The following STK35 variants were observed in gnomAD, a reference collection of about 807,000 sequenced individuals.
STK35 encodes the protein serine/threonine-protein kinase 35.
A neutral mutation model predicts 37.3 loss-of-function variants in STK35; 17 were observed. The observed-to-expected ratio is 0.46, with a 90% CI of 0.31 to 0.68. The LOEUF (loss-of-function observed/expected upper bound fraction) is 0.68, where lower values mean the gene tolerates loss of function less well. STK35 is among the 30% of genes least tolerant of loss of function. The pLI is 0.05. For missense variants in STK35, 595 were observed against 746.7 expected, an observed-to-expected ratio of 0.80 and a Z score of 2.37; for synonymous variants, 385 against 319.1, an observed-to-expected ratio of 1.21 and a Z score of -2.20.
At chr20:2,102,697 G>A (rs1568572085) in intron 1 of STK35, 71 bp from the exon 2 acceptor site, 9 of 1,284,926 alleles carry the variant, frequency 7.0e-6, no homozygotes, top group Non-Finnish European at 7.0e-6. Flanking sequence ...GAGGAGGTGG[G>A]ACGCCCCGCG....
At chr20:2,107,393 T>A (rs986345346) in intron 2 of STK35, among the ~76,000 whole-genome samples, 16 of 152,236 alleles carry the variant, frequency 1.1e-4, no homozygotes, top group African/African-American at 3.9e-4. Flanking sequence ...ACCAATTGTT[T>A]GATGTCGATG....
chr20:2,140,484 G>T (rs1448633832), intron 3 of STK35, among the ~76,000 whole-genome samples: 1 of 152,224 alleles, frequency 6.6e-6, no homozygotes. Flanking sequence ...CCTGTTCATA[G>T]CTACAGAAAG....
At chr20:2,119,006 G>A (rs1438635157) in intron 3 of STK35, among the ~76,000 whole-genome samples, 2 of 152,180 alleles carry the variant, frequency 1.3e-5, no homozygotes, top group Admixed American at 6.5e-5. Flanking sequence ...ATTGTTAAGC[G>A]ACCCATAACT....
intron 2 of STK35, among the ~76,000 whole-genome samples, chr20:2,108,363 A>G (rs987965337): frequency 6.6e-6 from 1 of 152,102 alleles, no homozygotes; most frequent in Non-Finnish European, 1.5e-5. Flanking sequence ...ACAAAAAATC[A>G]GCTGGGCGTG....
chr20:2,134,185 G>T (rs1052652386), intron 3 of STK35, among the ~76,000 whole-genome samples: 1 of 151,652 alleles, frequency 6.6e-6, no homozygotes, highest in Non-Finnish European at 1.5e-5. Flanking sequence ...GCTTGAACCC[G>T]GGAGGCAGAG....
chr20:2,117,367 T>A lies in STK35; in HGVS notation c.1594T>A (p.Cys532Ser). ...ELETRMDQVT[C>S]AA is the part of the protein sequence containing the mutation. ...TGAAACCAGAATGGACCAGGTCACA[T>A]GTGCTGCTTAAAATTCAGGGCTAAG... Residue 532 changes from cysteine to serine, a missense_variant, in exon 3 of 4, where the codon TGT (cysteine) becomes AGT (serine). By Grantham distance (112) the Cys-to-Ser change is moderately radical (BLOSUM62 -1). This residue lies in a region of STK35 where 109 missense variants were observed against 280.3 expected (regional missense o/e 0.39). Coordinates refer to ENST00000381482, the MANE Select transcript of STK35 (RefSeq NM_080836.4). The surrounding 1 kb of genome is among the most constrained non-coding windows in gnomAD (Gnocchi z 4.4). The A allele has an allele frequency of 6.3e-7, 1 of 1,599,694 alleles. No individual in the cohort carries two copies. The highest frequency in any genetic ancestry group is 8.5e-7 in the Non-Finnish European group (1 of 1,170,370).
At position 2,125,349 on chromosome 20, in the gene STK35, T is replaced by A. The variant is rs1985886784; in HGVS notation, c.*37+7934T>A. Among the ~76,000 whole-genome samples the A allele has an allele frequency of 2.0e-5, 3 of 152,206 alleles. No homozygotes were observed. In the South Asian group the frequency reaches 6.2e-4, roughly 32 times the overall value. On this transcript the variant is annotated intron_variant, in intron 3 of 3. Transcript: ENST00000381482. Reference sequence around the variant, plus strand: ...ATTCCGAGCCCTGAATTAAGCACTTTACATGTATCATTATCATACATCATC... The same window carrying A: ...ATTCCGAGCCCTGAATTAAGCACTTAACATGTATCATTATCATACATCATC...
intron 3 of STK35, among the ~76,000 whole-genome samples, chr20:2,123,661 A>G (rs1252781480): frequency 6.6e-6 from 1 of 152,244 alleles, no homozygotes; most frequent in Non-Finnish European, 1.5e-5. Flanking sequence ...TGGAAAAGAA[A>G]TGCGTAATTA....
intron 3 of STK35, among the ~76,000 whole-genome samples, chr20:2,126,852 A>AT (rs775518498): frequency 1.4e-4 from 22 of 152,352 alleles, no homozygotes; most frequent in Middle Eastern, 3.4e-3. Flanking sequence ...CTCAGTTTGC[A>AT]TCGTACACAG....
In STK35 at chr20:2,117,960, C is replaced by T. The variant is rs537336575; in HGVS notation, c.*37+545C>T. Among the ~76,000 whole-genome samples the T allele has an allele frequency of 5.3e-5, 8 of 152,252 alleles. No individual in the cohort carries two copies. The highest frequency in any genetic ancestry group is 1.2e-4 in the African/African-American group (5 of 41,540). On this transcript the variant is annotated intron_variant, in intron 3 of 3. Transcript: ENST00000381482. This position sits in a 1 kb window ranked among gnomAD's most constrained non-coding sequence, Gnocchi z 4.4. ...TTCTCAGAGGAGGTTGCGTTTAAGC[C>T]GAGTCTCCCTTTTTTTAGAAACGCT...
In STK35 at chr20:2,148,491, T is replaced by C. The variant is rs1320152599; in HGVS notation, c.*4745T>C. The C allele has an allele frequency of 6.6e-6, 1 of 152,616 alleles. No homozygotes were observed. Among genetic ancestry groups the C allele is most frequent in the African/African-American group, 2.4e-5 (1 of 41,456 alleles). 9.5% of individuals were successfully genotyped at this position (152,616 alleles called of 1,614,324 possible). ...TATGAATGACTGAGGCTTTGTAAATTAAGGGACGTTTGTGTGAATAAAGTT... is the reference window on the plus strand; with the variant it reads ...TATGAATGACTGAGGCTTTGTAAATCAAGGGACGTTTGTGTGAATAAAGTT... On this transcript the variant is annotated 3_prime_UTR_variant, in exon 4 of 4. Coordinates refer to ENST00000381482, the MANE Select transcript of STK35 (RefSeq NM_080836.4).
intron 2 of STK35, among the ~76,000 whole-genome samples, chr20:2,110,734 AAGAC>A (rs1216997510): frequency 6.6e-6 from 1 of 152,208 alleles, no homozygotes; most frequent in Admixed American, 6.5e-5. Context: ...CCTCTGCTGA[AAGAC>A]AGATCTGCAT....
chr20:2,142,748 C>T (rs969347175), intron 3 of STK35, among the ~76,000 whole-genome samples: 3 of 152,168 alleles, frequency 2.0e-5, no homozygotes, highest in African/African-American at 7.2e-5. Context: ...CAGAGCAAGA[C>T]CCTGTCTCAA....
At chr20:2,105,032 T>A (rs1985487045) in intron 2 of STK35, among the ~76,000 whole-genome samples, 1 of 151,834 alleles carries the variant, frequency 6.6e-6, no homozygotes, top group Non-Finnish European at 1.5e-5. Flanking sequence ...TGGCACAGGC[T>A]TATAGTCCCA....
chr20:2,109,923 G>A (rs1020443815), intron 2 of STK35, among the ~76,000 whole-genome samples: 10 of 152,232 alleles, frequency 6.6e-5, no homozygotes, highest in African/African-American at 1.7e-4. Context: ...GCCCCTGTCC[G>A]GCCGGTGGGT....
Position 2,147,744 on chromosome 20 carries a change from G to A in STK35, c.*3998G>A, listed in dbSNP as rs1986296502. ...TTGGCTGGTTTTCCCTCCTAGGCCT[G>A]TCTGGCAGCCCCCAGACAGACGTAG... On this transcript the variant is annotated 3_prime_UTR_variant, in exon 4 of 4. Coordinates refer to ENST00000381482, the MANE Select transcript of STK35 (RefSeq NM_080836.4). 6.6e-6 allele frequency: 1 copy of A among 152,246 alleles called. No individual in the cohort carries two copies. Among genetic ancestry groups the A allele is most frequent in the Admixed American group, 6.5e-5 (1 of 15,282 alleles). 9.4% of individuals were successfully genotyped at this position (152,246 alleles called of 1,614,324 possible).
intron 2 of STK35, among the ~76,000 whole-genome samples, chr20:2,110,462 T>TA (rs1985596359): frequency 6.6e-6 from 1 of 152,266 alleles, no homozygotes; most frequent in South Asian, 2.1e-4. Context: ...AGTTAACTGT[T>TA]ACTCATTCTC....
At chr20:2,122,957 G>A (rs1479797529) in intron 3 of STK35, among the ~76,000 whole-genome samples, 1 of 152,166 alleles carries the variant, frequency 6.6e-6, no homozygotes, top group African/African-American at 2.4e-5. Flanking sequence ...TTTCTTATTT[G>A]TCGCTTTTGA....
intron 3 of STK35, among the ~76,000 whole-genome samples, chr20:2,123,451 A>G (rs2122562804): frequency 6.6e-6 from 1 of 152,222 alleles, no homozygotes; most frequent in African/African-American, 2.4e-5. Context: ...ATTTTGCAAG[A>G]TCTAACCCTA....
Sources: allele counts gnomAD v4.1 joint callset (sites outside exome capture counted in the v4.1 genomes callset), GRCh38; gene constraint gnomAD v4.1.1; regional missense constraint gnomAD v4.1.1; non-coding constraint Gnocchi (gnomAD v3.1); transcripts MANE v1.5; gene names NCBI Gene and HGNC (gene_info 2026-07-23, HGNC 2026-07-21).